Variants in PPM1L observed in about 807,000 individuals in gnomAD.
PPM1L encodes protein phosphatase 1L.
PPM1L carries 13 observed loss-of-function variants against 31.4 expected under a neutral mutation model. The ratio of observed to expected loss-of-function variants is 0.41; its 90% CI spans 0.27 to 0.66. PPM1L has a LOEUF of 0.66. Ranked by LOEUF, PPM1L falls within the 30% of genes least tolerant of loss-of-function variation. PPM1L has a pLI of 0.29. For missense variants in PPM1L, 326 were observed against 453.7 expected (o/e 0.72, Z 2.56); for synonymous variants, 184 against 175.4 (o/e 1.05, Z -0.39).
intron 1 of PPM1L, among the ~76,000 whole-genome samples, chr3:160,795,649 A>G (rs1442750074): frequency 1.3e-5 from 2 of 152,208 alleles, no homozygotes; most frequent in African/African-American, 2.4e-5. Flanking sequence ...AGAAGATAAA[A>G]CATTAATAGT....
At chr3:160,987,965 T>A (rs1488049601) in intron 2 of PPM1L, among the ~76,000 whole-genome samples, 1 of 152,196 alleles carries the variant, frequency 6.6e-6, no homozygotes, top group African/African-American at 2.4e-5. Context: ...GGGGCCAGGC[T>A]TATATGGCGG....
At chr3:161,027,028 T>C (rs1448468917) in intron 2 of PPM1L, among the ~76,000 whole-genome samples, 1 of 152,198 alleles carries the variant, frequency 6.6e-6, no homozygotes, top group East Asian at 1.9e-4. Context: ...AAGGTCTCTA[T>C]GCATTGGTTT....
In PPM1L at chr3:160,857,068, T is replaced by G. The variant is rs9867165; in HGVS notation, c.399+100361T>G. Among the ~76,000 whole-genome samples, 474 of 152,298 alleles carry G rather than the reference T, an allele frequency of 3.1e-3. 3 individuals are homozygous for G. The highest frequency in any genetic ancestry group is 0.011 in the African/African-American group (463 of 41,576). On this transcript the variant is annotated intron_variant, in intron 1 of 3. Transcript: ENST00000498165. ...CAAACAAAAAACCCAGATTTTAAAT[T>G]GTAAGTTTCTACCACTTTAAAAGAA...
chr3:160,956,553 A>G (rs1167421902), intron 1 of PPM1L, among the ~76,000 whole-genome samples: 1 of 152,258 alleles, frequency 6.6e-6, no homozygotes, highest in Non-Finnish European at 1.5e-5. Flanking sequence ...TAGAAGAATC[A>G]GTCAACCCCA....
chr3:161,049,288 C>A (rs557745080), intron 2 of PPM1L, among the ~76,000 whole-genome samples: 3 of 151,310 alleles, frequency 2.0e-5, no homozygotes, highest in Middle Eastern at 3.4e-3. Context: ...AAAAAAAAAA[C>A]CAAACCAAAA....
chr3:160,878,624 G>A (rs1369968248), intron 1 of PPM1L, among the ~76,000 whole-genome samples: 1 of 152,104 alleles, frequency 6.6e-6, no homozygotes, highest in African/African-American at 2.4e-5. Flanking sequence ...TGAGAGTTAG[G>A]GTTTCATCAT....
chr3:160,905,664 T>C (rs921667677), intron 1 of PPM1L, among the ~76,000 whole-genome samples: 1 of 152,190 alleles, frequency 6.6e-6, no homozygotes, highest in Non-Finnish European at 1.5e-5. Context: ...CAGTTTATTT[T>C]AGTATACCAA....
chr3:161,038,585 TAAAAAAAAAAAAA>T (rs35502476), intron 2 of PPM1L, among the ~76,000 whole-genome samples: 11 of 110,624 alleles, frequency 9.9e-5, no homozygotes, highest in South Asian at 3.1e-4. Context: ...GGATTTGTTT[TAAAAAAAAAAAAA>T]AAAAAAAAAA....
At chr3:161,004,920 T>C (rs938934352) in intron 2 of PPM1L, among the ~76,000 whole-genome samples, 15 of 152,340 alleles carry the variant, frequency 9.8e-5, no homozygotes, top group African/African-American at 3.4e-4. Flanking sequence ...CTAGTTCTTT[T>C]AATTGTGATG....
At chr3:160,966,823 G>A (rs1716162017) in intron 2 of PPM1L, among the ~76,000 whole-genome samples, 1 of 152,080 alleles carries the variant, frequency 6.6e-6, no homozygotes, top group Admixed American at 6.6e-5. Context: ...AGTCACATTA[G>A]CATTCACAGA....
chr3:160,907,305 A>C (rs1423956560), intron 1 of PPM1L, among the ~76,000 whole-genome samples: 1 of 152,208 alleles, frequency 6.6e-6, no homozygotes, highest in African/African-American at 2.4e-5. Flanking sequence ...ATGAAGATTA[A>C]AGAAAACTTT....
intron 1 of PPM1L, among the ~76,000 whole-genome samples, chr3:160,918,968 C>T (rs1160217724): frequency 6.6e-6 from 1 of 151,968 alleles, no homozygotes; most frequent in African/African-American, 2.4e-5. Flanking sequence ...TGAAGGAGAC[C>T]GGGTTTAAAG....
chr3:160,859,461 G>A (rs1386075314), intron 1 of PPM1L, among the ~76,000 whole-genome samples: 1 of 152,124 alleles, frequency 6.6e-6, no homozygotes, highest in Non-Finnish European at 1.5e-5. Flanking sequence ...TTCTCAAGAG[G>A]AATAGCTTCT....
chr3:161,018,429 C>T (rs1718147460), intron 2 of PPM1L, among the ~76,000 whole-genome samples: 1 of 152,028 alleles, frequency 6.6e-6, no homozygotes. Context: ...TGAAAGGTAG[C>T]ATAGATATTT....
At chr3:160,853,680 A>T (rs1427573709) in intron 1 of PPM1L, among the ~76,000 whole-genome samples, 2 of 96,900 alleles carry the variant, frequency 2.1e-5, no homozygotes, top group Non-Finnish European at 3.6e-5. Flanking sequence ...TGAGTGTTGA[A>T]AATGATTGAA....
chr3:160,938,482 TTACTC>T (rs1206636748), intron 1 of PPM1L, among the ~76,000 whole-genome samples: 2 of 152,216 alleles, frequency 1.3e-5, no homozygotes, highest in Admixed American at 1.3e-4. Flanking sequence ...ACTATTATCT[TTACTC>T]TGCTATTAGT....
intron 1 of PPM1L, among the ~76,000 whole-genome samples, chr3:160,771,148 T>G (rs1052423888): frequency 2.0e-5 from 3 of 152,194 alleles, no homozygotes; most frequent in African/African-American, 7.2e-5. Flanking sequence ...AGAAGAGTAT[T>G]TTGAATTTGT....
chr3:160,824,078 T>G (rs981923073), intron 1 of PPM1L, among the ~76,000 whole-genome samples: 1 of 152,140 alleles, frequency 6.6e-6, no homozygotes, highest in Non-Finnish European at 1.5e-5. Context: ...AATTCACATG[T>G]TGAACTCCAA....
At chr3:160,917,568 A>C (rs1008556851) in intron 1 of PPM1L, among the ~76,000 whole-genome samples, 6 of 152,168 alleles carry the variant, frequency 3.9e-5, no homozygotes, top group Admixed American at 3.3e-4. Flanking sequence ...GTATTCTTAT[A>C]TTAGGCATGA....
Sources: gnomAD v4.1 joint callset for allele counts (sites outside exome capture counted in the v4.1 genomes callset) on GRCh38, gnomAD v4.1.1 for gene constraint, MANE v1.5 for transcripts, NCBI Gene and HGNC (gene_info 2026-07-23, HGNC 2026-07-21) for gene names.